CNOT10: variants seen among roughly 807,000 people sequenced by gnomAD.
CNOT10 encodes CCR4-NOT transcription complex, subunit 10.
Under a neutral mutation model 94.6 loss-of-function variants are expected in CNOT10, and 30 were observed. That is an observed-to-expected ratio of 0.32 (90% CI 0.24 to 0.43). CNOT10 has a LOEUF of 0.43. CNOT10 is among the 20% of genes least tolerant of loss of function. CNOT10 has a pLI of 1.00. For synonymous variants in CNOT10, 289 were observed against 301.6 expected (o/e 0.96, Z 0.43); for missense variants, 759 against 877.2 (o/e 0.87, Z 1.70).
At chr3:32,724,557 C>T (rs980530574) in intron 8 of CNOT10, among the ~76,000 whole-genome samples, 5 of 152,036 alleles carry the variant, frequency 3.3e-5, no homozygotes, top group African/African-American at 1.2e-4. Context: ...GGACTACACG[C>T]GCCCGCCACC....
chr3:32,685,257 A>G lies in CNOT10; in HGVS notation c.-204A>G, dbSNP rs898174030. ...AGGCTGTGGCGGTCCCTTGGTGGGGAAGCTGTTGCTGTTGCTAGACGACGG... is the reference window on the plus strand; with the variant it reads ...AGGCTGTGGCGGTCCCTTGGTGGGGGAGCTGTTGCTGTTGCTAGACGACGG... On this transcript the variant is annotated 5_prime_UTR_variant, in exon 1 of 19. Coordinates refer to ENST00000328834, the MANE Select transcript of CNOT10 (RefSeq NM_015442.3). 6.3e-5 allele frequency: 35 copies of G among 552,824 alleles called. No homozygotes were observed. The highest frequency in any genetic ancestry group is 1.0e-4 in the Non-Finnish European group (32 of 309,250). 34.2% of individuals were successfully genotyped at this position (552,824 alleles called of 1,614,324 possible).
chr3:32,710,503 A>G (rs991599964), intron 4 of CNOT10, among the ~76,000 whole-genome samples: 15 of 152,094 alleles, frequency 9.9e-5, no homozygotes, highest in Admixed American at 4.6e-4. Context: ...TCCAAAGTTC[A>G]TAGTTTACGT....
chr3:32,715,439 C>A (rs937876476), intron 5 of CNOT10, among the ~76,000 whole-genome samples: 4 of 152,046 alleles, frequency 2.6e-5, no homozygotes, highest in Non-Finnish European at 5.9e-5. Flanking sequence ...CAGAGAAATG[C>A]AGAGGAGAGC....
intron 7 of CNOT10, among the ~76,000 whole-genome samples, chr3:32,719,429 A>G (rs62250843): frequency 8.5e-5 from 13 of 152,186 alleles, no homozygotes; most frequent in East Asian, 3.9e-4. Context: ...CAATCAATCA[A>G]TCACTCAATC....
intron 1 of CNOT10, among the ~76,000 whole-genome samples, chr3:32,689,932 G>A (rs980293575): frequency 6.6e-6 from 1 of 152,222 alleles, no homozygotes; most frequent in Admixed American, 6.5e-5. Flanking sequence ...TGTAGCCTGG[G>A]TGACAGTGCG....
intron 6 of CNOT10, 43 bp downstream of exon 6, chr3:32,716,354 A>C: frequency 1.0e-6 from 1 of 957,446 alleles, no homozygotes; most frequent in South Asian, 1.4e-5. Flanking sequence ...ACATATATTT[A>C]ATTGTAGTTA....
intron 13 of CNOT10, among the ~76,000 whole-genome samples, chr3:32,746,547 T>G (rs1308515883): frequency 6.6e-6 from 1 of 152,044 alleles, no homozygotes; most frequent in Admixed American, 6.6e-5. Context: ...CGATAAGATA[T>G]GCACTCCTGC....
intron 1 of CNOT10, among the ~76,000 whole-genome samples, chr3:32,693,294 G>A (rs1696922914): frequency 1.3e-5 from 2 of 151,360 alleles, no homozygotes; most frequent in Admixed American, 1.3e-4. Context: ...TTGGCTCACC[G>A]CAGCCTCGAC....
intron 7 of CNOT10, 124 bp from the exon 8 acceptor site, chr3:32,719,990 T>A (rs78758967): frequency 2.1e-6 from 1 of 483,546 alleles, no homozygotes; most frequent in Non-Finnish European, 3.7e-6. Flanking sequence ...GACTATATAA[T>A]TTTTTGTGAC....
At chr3:32,708,033 G>A (rs926081182) in intron 3 of CNOT10, among the ~76,000 whole-genome samples, 6 of 151,904 alleles carry the variant, frequency 3.9e-5, no homozygotes, top group African/African-American at 7.2e-5. Flanking sequence ...CTACAGGCAC[G>A]TGCGACCACA....
At chr3:32,720,278 T>A in intron 8 of CNOT10, 47 bp downstream of exon 8, 2 of 885,938 alleles carry the variant, frequency 2.3e-6, no homozygotes, top group Non-Finnish European at 3.6e-6. Flanking sequence ...CTTGCTCTTC[T>A]ACCCCTTCTT....
chr3:32,701,394 G>C (rs970885080), intron 1 of CNOT10, among the ~76,000 whole-genome samples: 4 of 151,978 alleles, frequency 2.6e-5, no homozygotes, highest in African/African-American at 9.7e-5. Context: ...ATTCTAATTG[G>C]CTTAGACTCT....
At chr3:32,748,160 G>T (rs539056332) in intron 13 of CNOT10, among the ~76,000 whole-genome samples, 1 of 152,244 alleles carries the variant, frequency 6.6e-6, no homozygotes, top group East Asian at 1.9e-4. Context: ...AGTTGGCTAT[G>T]GCTCTAATTA....
intron 7 of CNOT10, 89 bp downstream of exon 7, chr3:32,717,326 C>A (rs1218932689): frequency 4.1e-6 from 3 of 738,212 alleles, no homozygotes; most frequent in African/African-American, 1.8e-5. Flanking sequence ...TTATCTTAGT[C>A]TTTTACATAT....
At chr3:32,764,929 T>C (rs1174280877) in intron 17 of CNOT10, 120 bp downstream of exon 17, 1 of 1,509,866 alleles carries the variant, frequency 6.6e-7, no homozygotes, top group Non-Finnish European at 8.9e-7. Flanking sequence ...GAATATCACT[T>C]TCCCAGATAT....
rs868400912 is a variant in CNOT10, at chr3:32,754,485, A to T, written c.1596-4973A>T. On this transcript the variant is annotated intron_variant, in intron 13 of 18. Transcript: ENST00000328834. ...GAGCAAGACTCCGTCTCAAAAAAAAAAAAAATACATATATATATATATATT... is the reference window on the plus strand; with the variant it reads ...GAGCAAGACTCCGTCTCAAAAAAAATAAAAATACATATATATATATATATT... 2.7e-3 allele frequency among the ~76,000 whole-genome samples: 131 copies of T among 48,398 alleles called. 4 individuals are homozygous for T. The highest frequency in any genetic ancestry group is 3.2e-3 in the African/African-American group (31 of 9,832). The allele number at this position is 48,398 out of a possible 152,430, so 31.8% of individuals were successfully genotyped here.
chr3:32,767,757 A>G (rs1700714173), intron 17 of CNOT10, among the ~76,000 whole-genome samples: 1 of 152,160 alleles, frequency 6.6e-6, no homozygotes. Context: ...GAGTTAAACC[A>G]GTAAGAGTTA....
chr3:32,723,495 G>A (rs984830798), intron 8 of CNOT10, among the ~76,000 whole-genome samples: 1 of 151,904 alleles, frequency 6.6e-6, no homozygotes, highest in South Asian at 2.1e-4. Context: ...ATAAATAAAA[G>A]CAGTAAGATA....
chr3:32,743,332 A>G (rs1699554573), intron 13 of CNOT10, among the ~76,000 whole-genome samples: 1 of 152,098 alleles, frequency 6.6e-6, no homozygotes, highest in Non-Finnish European at 1.5e-5. Flanking sequence ...GTGCAATTTA[A>G]GAAGTATATT....
Sources: gnomAD v4.1 joint callset for allele counts (sites outside exome capture counted in the v4.1 genomes callset) on GRCh38, gnomAD v4.1.1 for gene constraint, MANE v1.5 for transcripts, NCBI Gene and HGNC (gene_info 2026-07-23, HGNC 2026-07-21) for gene names.